EYS: variants seen among roughly 807,000 people sequenced by gnomAD.
EYS encodes the protein protein eyes shut homolog.
Under a neutral mutation model 282.1 loss-of-function variants are expected in EYS, and 250 were observed. That is an observed-to-expected ratio of 0.89 (90% CI 0.80 to 0.98). The LOEUF (loss-of-function observed/expected upper bound fraction) is 0.98. Ranked by LOEUF, EYS falls within the 50% of genes least tolerant of loss-of-function variation. The pLI is 0.00. For synonymous variants in EYS, 1,355 were observed against 1,282.9 expected (o/e 1.06, Z -1.20); for missense variants, 4,016 against 3,709.0 (o/e 1.08, Z -2.15).
intron 22 of EYS, among the ~76,000 whole-genome samples, chr6:64,762,095 T>C (rs1773178678): frequency 6.6e-6 from 1 of 152,206 alleles, no homozygotes; most frequent in South Asian, 2.1e-4. Flanking sequence ...ATGTGAAGTG[T>C]TATACATGTT....
chr6:64,026,475 T>A lies in EYS; in HGVS notation c.6726-27292A>T, dbSNP rs139185202. On this transcript the variant is annotated intron_variant, in intron 33 of 42. Transcript: ENST00000503581. The stretch of plus-strand genomic sequence containing the variant: ...GCTCATTTTGTTTCTGCACTATGAC[T>A]TGGCCCCAATATTCTCTCTCTGATG... Among the ~76,000 whole-genome samples, 564 of 152,308 alleles carry A rather than the reference T, an allele frequency of 3.7e-3. 1 individual carries two copies. The highest frequency in any genetic ancestry group is 5.6e-3 in the Non-Finnish European group (381 of 68,028).
chr6:63,848,032 C>T (rs1299545645), intron 36 of EYS, among the ~76,000 whole-genome samples: 5 of 152,228 alleles, frequency 3.3e-5, no homozygotes, highest in Non-Finnish European at 7.4e-5. Context: ...TATTAAATTA[C>T]AGCACAGAGA....
At chr6:64,983,123 C>T (rs896643244) in intron 14 of EYS, among the ~76,000 whole-genome samples, 4 of 151,116 alleles carry the variant, frequency 2.6e-5, no homozygotes, top group Non-Finnish European at 4.4e-5. Context: ...AAAGATAAAG[C>T]GTTCATATTA....
At chr6:65,170,525 T>C (rs1022765007) in intron 12 of EYS, among the ~76,000 whole-genome samples, 4 of 151,534 alleles carry the variant, frequency 2.6e-5, no homozygotes, top group Non-Finnish European at 5.9e-5. Flanking sequence ...TTACAATTTC[T>C]GGAAATAGGC....
intron 12 of EYS, among the ~76,000 whole-genome samples, chr6:65,196,573 C>T (rs1246899347): frequency 6.6e-6 from 1 of 152,034 alleles, no homozygotes. Flanking sequence ...CTTGGGACTA[C>T]AGCAGTGAAG....
At chr6:65,446,785 A>G (rs188259011) in intron 5 of EYS, among the ~76,000 whole-genome samples, 1 of 151,772 alleles carries the variant, frequency 6.6e-6, no homozygotes, top group East Asian at 1.9e-4. Flanking sequence ...TATGAAATAA[A>G]TAACTAATAT....
intron 13 of EYS, among the ~76,000 whole-genome samples, chr6:65,040,681 A>G (rs1772907082): frequency 6.6e-6 from 1 of 151,632 alleles, no homozygotes; most frequent in Non-Finnish European, 1.5e-5. Context: ...GCTTTGCCAA[A>G]TGTCTCCTGG....
chr6:65,274,295 G>A (rs1767982959), intron 12 of EYS, among the ~76,000 whole-genome samples: 1 of 152,192 alleles, frequency 6.6e-6, no homozygotes, highest in South Asian at 2.1e-4. Flanking sequence ...ATTGAAAAAT[G>A]CAGGGGTGGT....
At chr6:65,037,298 G>A (rs1772799554) in intron 13 of EYS, among the ~76,000 whole-genome samples, 2 of 151,734 alleles carry the variant, frequency 1.3e-5, no homozygotes, top group Non-Finnish European at 3.0e-5. Flanking sequence ...ATTGATAAGA[G>A]GACCTACTTG....
intron 15 of EYS, among the ~76,000 whole-genome samples, chr6:64,936,984 C>G (rs1437244741): frequency 6.6e-6 from 1 of 151,334 alleles, no homozygotes; most frequent in Non-Finnish European, 1.5e-5. Context: ...AATAGAGGGT[C>G]TAGAAATCCT....
chr6:65,627,006 C>T (rs981466520), intron 2 of EYS, among the ~76,000 whole-genome samples: 23 of 134,192 alleles, frequency 1.7e-4, no homozygotes, highest in African/African-American at 7.2e-4. Flanking sequence ...CTTTCTTTCT[C>T]TCTCTGCCCT....
At chr6:63,980,530 A>G (rs1348839373) in intron 35 of EYS, among the ~76,000 whole-genome samples, 2 of 151,862 alleles carry the variant, frequency 1.3e-5, no homozygotes, top group Non-Finnish European at 2.9e-5. Context: ...TTTATTCTGA[A>G]CATAAACAGT....
At position 65,393,178 on chromosome 6, in the gene EYS, G is replaced by T. The variant is rs1015481532; in HGVS notation, c.1185-8678C>A. 8.6e-5 allele frequency among the ~76,000 whole-genome samples: 13 copies of T among 151,952 alleles called. No individual in the cohort carries two copies. The East Asian group carries it at 1.4e-3, about 16-fold the overall frequency. On this transcript the variant is annotated intron_variant, in intron 7 of 42. Coordinates refer to ENST00000503581, the MANE Select transcript of EYS (RefSeq NM_001142800.2). ...CACACTCTGGGGACTGTTGTGGGGT[G>T]GGGGGACGGGGGAGGGATAGCATTG...
At chr6:65,042,807 T>A (rs977978032) in intron 13 of EYS, among the ~76,000 whole-genome samples, 1 of 151,228 alleles carries the variant, frequency 6.6e-6, no homozygotes, top group African/African-American at 2.4e-5. Flanking sequence ...TATTTCCCTT[T>A]ATGCTGAAGA....
chr6:64,860,447 A>C (rs531218681), intron 19 of EYS, among the ~76,000 whole-genome samples: 2 of 152,328 alleles, frequency 1.3e-5, no homozygotes, highest in East Asian at 3.9e-4. Flanking sequence ...CAGGGCTGGA[A>C]GCTCCAGGCA....
Position 64,997,746 on chromosome 6 carries a change from C to G in EYS, c.2138-43G>C, listed in dbSNP as rs184197085. ...GAGAAAACTCTTAACATTCCTTTAA[C>G]CTTAGTACAGGTAATTATAATTAGT... On this transcript the variant is annotated intron_variant, in intron 13 of 42. Transcript: ENST00000503581. 3.8e-4 allele frequency: 585 copies of G among 1,531,752 alleles called. 1 individual carries two copies. In the African/African-American group the frequency reaches 7.4e-3, roughly 19 times the overall value. The allele number at this position is 1,531,752 out of a possible 1,614,324, so 94.9% of individuals were successfully genotyped here.
chr6:65,333,390 GAT>G (rs767606690), intron 11 of EYS, among the ~76,000 whole-genome samples: 65 of 151,006 alleles, frequency 4.3e-4, no homozygotes, highest in Non-Finnish European at 8.6e-4. Flanking sequence ...ATTTTGGTCA[GAT>G]AATGTCCTTT....
intron 36 of EYS, among the ~76,000 whole-genome samples, chr6:63,847,500 T>C (rs1360657513): frequency 6.6e-6 from 1 of 152,160 alleles, no homozygotes; most frequent in Admixed American, 6.5e-5. Context: ...TGCATAATGA[T>C]AGACATCTGA....
chr6:64,893,322 T>C (rs1361178051), intron 18 of EYS, among the ~76,000 whole-genome samples: 1 of 152,018 alleles, frequency 6.6e-6, no homozygotes, highest in Non-Finnish European at 1.5e-5. Context: ...CAGGCCACAG[T>C]TTCAATAACC....
Sources: gnomAD v4.1 joint callset for allele counts (sites outside exome capture counted in the v4.1 genomes callset) on GRCh38, gnomAD v4.1.1 for gene constraint, MANE v1.5 for transcripts, NCBI Gene and HGNC (gene_info 2026-07-23, HGNC 2026-07-21) for gene names.